Variants in STARD10 observed in about 807,000 individuals in gnomAD.
STARD10 encodes StAR related lipid transfer domain containing 10.
Under a neutral mutation model 36.0 loss-of-function variants are expected in STARD10, and 24 were observed. The ratio of observed to expected loss-of-function variants is 0.67; its 90% CI spans 0.48 to 0.94. STARD10 has a LOEUF of 0.94. Among genes scored for constraint, STARD10 ranks in the 40% least tolerant of loss-of-function variants. The probability of loss-of-function intolerance (pLI) is 0.00; values close to 1 mark genes in which losing one functional copy is unlikely to be tolerated. For missense variants in STARD10, 335 were observed against 396.6 expected, an observed-to-expected ratio of 0.84 and a Z score of 1.32; for synonymous variants, 156 against 161.9, an observed-to-expected ratio of 0.96 and a Z score of 0.28.
At chr11:72,766,593 T>A (rs1230179772) in intron 2 of STARD10, among the ~76,000 whole-genome samples, 1 of 152,126 alleles carries the variant, frequency 6.6e-6, no homozygotes, top group African/African-American at 2.4e-5. Context: ...GTGCCCAAGC[T>A]GTATCTCACT....
At chr11:72,765,779 T>G (rs747553990) in intron 2 of STARD10, among the ~76,000 whole-genome samples, 35 of 143,586 alleles carry the variant, frequency 2.4e-4, no homozygotes, top group Admixed American at 3.5e-4. Context: ...GAGACCAGCC[T>G]GACCAACATG....
At position 72,787,411 on chromosome 11, in the gene STARD10, T is replaced by C. The variant is rs186309812; in HGVS notation, c.-114+5464A>G. Among the ~76,000 whole-genome samples, 6 of 152,046 alleles carry C rather than the reference T, an allele frequency of 3.9e-5. No homozygotes were observed. In the South Asian group the frequency reaches 1.2e-3, roughly 32 times the overall value. ...GCCACCACCATACAGGACTTCAGAG[T>C]TGACAGAATCCCCAGCAGGTGGGGA... On this transcript the variant is annotated intron_variant, in intron 1 of 6. Coordinates refer to ENST00000334805, the MANE Select transcript of STARD10 (RefSeq NM_006645.3).
At chr11:72,762,759 G>T (rs1639063911) in intron 2 of STARD10, among the ~76,000 whole-genome samples, 1 of 152,150 alleles carries the variant, frequency 6.6e-6, no homozygotes, top group African/African-American at 2.4e-5. Context: ...AGGAGGTAGG[G>T]GTTTGCCAAG....
rs193066632 is a variant in STARD10, at chr11:72,770,053, A to C, written c.208-10672T>G. On this transcript the variant is annotated intron_variant, in intron 2 of 6. Coordinates refer to ENST00000334805, the MANE Select transcript of STARD10 (RefSeq NM_006645.3). ...CAAACTAGTACCCGTGACATGGTTT[A>C]AACTATGAACAAACTCTACACCTTT... Among the ~76,000 whole-genome samples the C allele has an allele frequency of 1.7e-3, 257 of 152,376 alleles. 3 individuals carry two copies. The highest frequency in any genetic ancestry group is 0.01 in the Middle Eastern group (3 of 294).
intron 2 of STARD10, among the ~76,000 whole-genome samples, chr11:72,767,495 A>G (rs1201458454): frequency 3.3e-5 from 5 of 152,198 alleles, no homozygotes; most frequent in Non-Finnish European, 7.3e-5. Flanking sequence ...CTGACCCTAC[A>G]GTGTCAGGAC....
intron 1 of STARD10, among the ~76,000 whole-genome samples, chr11:72,784,778 C>T (rs1859050828): frequency 6.6e-6 from 1 of 152,186 alleles, no homozygotes; most frequent in Non-Finnish European, 1.5e-5. Flanking sequence ...CAGAATGGGG[C>T]ATCACGGAGC....
intron 4 of STARD10, among the ~76,000 whole-genome samples, chr11:72,758,240 G>C (rs1038367331): frequency 1.3e-5 from 2 of 152,186 alleles, no homozygotes; most frequent in African/African-American, 4.8e-5. Context: ...GAGGACCAGA[G>C]GACCCTGCCT....
At chr11:72,758,678 G>A in intron 3 of STARD10, 45 bp from the exon 4 acceptor site, 1 of 1,430,954 alleles carries the variant, frequency 7.0e-7, no homozygotes, top group Non-Finnish European at 9.8e-7. Context: ...TGGTCCACCT[G>A]CCTACAAGGG....
intron 2 of STARD10, among the ~76,000 whole-genome samples, chr11:72,771,863 GA>G (rs1178298533): frequency 5.9e-5 from 9 of 152,166 alleles, no homozygotes; most frequent in Non-Finnish European, 1.5e-5. Flanking sequence ...GAGAGTGGAG[GA>G]CCTAGAAGAA....
chr11:72,774,622 C>G (rs916174928), intron 2 of STARD10, among the ~76,000 whole-genome samples: 1 of 152,240 alleles, frequency 6.6e-6, no homozygotes, highest in Non-Finnish European at 1.5e-5. Flanking sequence ...AACCTGTTGC[C>G]AGAGCACCAC....
chr11:72,756,656 G>A (rs150315809), intron 5 of STARD10, among the ~76,000 whole-genome samples: 2 of 152,218 alleles, frequency 1.3e-5, no homozygotes, highest in Non-Finnish European at 2.9e-5. Context: ...GAGACACCAG[G>A]AGACCTGGGA....
At chr11:72,789,103 T>TC (rs1434690911) in intron 1 of STARD10, among the ~76,000 whole-genome samples, 1 of 152,248 alleles carries the variant, frequency 6.6e-6, no homozygotes, top group East Asian at 1.9e-4. Flanking sequence ...TGCCTTGGCC[T>TC]CCCAAAGTGC....
intron 2 of STARD10, chr11:72,780,715 G>C (rs1025521118): frequency 1.9e-6 from 1 of 536,736 alleles, no homozygotes; most frequent in South Asian, 2.0e-5. Flanking sequence ...CAGATCCCTG[G>C]AACAGGCAGG....
chr11:72,754,757 C>T lies in STARD10; in HGVS notation c.*140G>A. 7.7e-7 allele frequency: 1 copy of T among 1,297,162 alleles called. No individual in the cohort carries two copies. Among genetic ancestry groups the T allele is most frequent in the Non-Finnish European group, 1.1e-6 (1 of 935,128 alleles). The allele number at this position is 1,297,162 out of a possible 1,614,324, so 80.4% of individuals were successfully genotyped here. ...GGCTGTGGGATCGTTTATTGGGGCTCTGTCCAGCCAGGCTGCAGCACCCGC... is the reference window on the plus strand; with the variant it reads ...GGCTGTGGGATCGTTTATTGGGGCTTTGTCCAGCCAGGCTGCAGCACCCGC... On this transcript the variant is annotated 3_prime_UTR_variant, in exon 7 of 7. Transcript: ENST00000334805.
intron 3 of STARD10, 83 bp downstream of exon 3, chr11:72,759,151 G>T: frequency 6.5e-7 from 1 of 1,530,248 alleles, no homozygotes; most frequent in South Asian, 1.2e-5. Flanking sequence ...AGTAACCACA[G>T]GAGGGAGGGG....
At chr11:72,787,675 A>G (rs1859091551) in intron 1 of STARD10, among the ~76,000 whole-genome samples, 1 of 152,170 alleles carries the variant, frequency 6.6e-6, no homozygotes, top group African/African-American at 2.4e-5. Context: ...GTTTCCTGTC[A>G]GAGGCGCCTG....
rs572162363 is a variant in STARD10 at position 72,781,249 on chromosome 11, G to A, written c.-68C>T. ...CTCCTGGGTCCTCCGCGGAGGCTCC[G>A]ACAACGTCGACGCGGCTGCAGATGC... On this transcript the variant is annotated 5_prime_UTR_variant, in exon 2 of 7. Coordinates refer to ENST00000334805, the MANE Select transcript of STARD10 (RefSeq NM_006645.3). The surrounding 1 kb of genome is among the most constrained non-coding windows in gnomAD (Gnocchi z 4.7). 5.9e-5 allele frequency: 81 copies of A among 1,382,452 alleles called. No homozygotes were observed. The African/African-American group carries it at 1.1e-3, about 19-fold the overall frequency. The allele number at this position is 1,382,452 out of a possible 1,614,324, so 85.6% of individuals were successfully genotyped here.
At chr11:72,792,334 C>T (rs1215111615) in intron 1 of STARD10, among the ~76,000 whole-genome samples, 3 of 152,040 alleles carry the variant, frequency 2.0e-5, no homozygotes, top group Admixed American at 6.6e-5. Context: ...AGATTACAGG[C>T]GTGAGCCACC....
At chr11:72,782,962 T>C (rs953978682) in intron 1 of STARD10, among the ~76,000 whole-genome samples, 6 of 152,200 alleles carry the variant, frequency 3.9e-5, no homozygotes, top group African/African-American at 1.4e-4. Flanking sequence ...TTCCTGTCTG[T>C]GCCCCGCTGC....
Sources: gnomAD v4.1 joint callset for allele counts (sites outside exome capture counted in the v4.1 genomes callset) on GRCh38, gnomAD v4.1.1 for gene constraint, Gnocchi (gnomAD v3.1) non-coding constraint, MANE v1.5 for transcripts, NCBI Gene and HGNC (gene_info 2026-07-23, HGNC 2026-07-21) for gene names.